Variants in ITFG1 observed in about 807,000 individuals in gnomAD.
ITFG1 encodes integrin alpha FG-GAP repeat containing 1.
In ITFG1, 34 loss-of-function variants were observed where a neutral mutation model predicts 81.8. The observed-to-expected ratio is 0.42, with a 90% CI of 0.32 to 0.55. ITFG1 has a LOEUF of 0.55. Ranked by LOEUF, ITFG1 falls within the 20% of genes least tolerant of loss-of-function variation. The pLI is 0.17. For missense variants in ITFG1, 672 were observed against 755.4 expected (o/e 0.89, Z 1.29); for synonymous variants, 285 against 270.6 (o/e 1.05, Z -0.52).
intron 14 of ITFG1, among the ~76,000 whole-genome samples, chr16:47,182,958 A>C (rs1965150340): frequency 6.6e-6 from 1 of 152,176 alleles, no homozygotes; most frequent in Admixed American, 6.5e-5. Context: ...CTCACTCGGG[A>C]AGCGCAAGGG....
At chr16:47,399,405 C>T (rs542299769) in intron 6 of ITFG1, among the ~76,000 whole-genome samples, 1 of 152,118 alleles carries the variant, frequency 6.6e-6, no homozygotes, top group Non-Finnish European at 1.5e-5. Flanking sequence ...AACCCCATCT[C>T]TACTAAAAAT....
At chr16:47,344,261 G>GTA (rs1967822105) in intron 8 of ITFG1, among the ~76,000 whole-genome samples, 1 of 152,100 alleles carries the variant, frequency 6.6e-6, no homozygotes, top group Non-Finnish European at 1.5e-5. Flanking sequence ...GGTTAAAATG[G>GTA]CAAATTTTAT....
chr16:47,385,554 C>T (rs958651239), intron 6 of ITFG1, among the ~76,000 whole-genome samples: 1 of 152,200 alleles, frequency 6.6e-6, no homozygotes, highest in Non-Finnish European at 1.5e-5. Context: ...AATATTAAGG[C>T]TTCCTTTCAA....
At chr16:47,401,333 G>A (rs1277923707) in intron 6 of ITFG1, among the ~76,000 whole-genome samples, 1 of 152,164 alleles carries the variant, frequency 6.6e-6, no homozygotes, top group Non-Finnish European at 1.5e-5. Flanking sequence ...ATCCGTGAGA[G>A]GTCTAGAATA....
At chr16:47,265,262 T>C (rs968690356) in intron 10 of ITFG1, among the ~76,000 whole-genome samples, 2 of 152,004 alleles carry the variant, frequency 1.3e-5, no homozygotes, top group Admixed American at 1.3e-4. Context: ...TATATTTTTC[T>C]TTATAGCAGT....
intron 2 of ITFG1, among the ~76,000 whole-genome samples, chr16:47,456,969 G>A (rs969609867): frequency 1.3e-5 from 2 of 152,116 alleles, no homozygotes; most frequent in East Asian, 1.9e-4. Context: ...GAAATTAAGG[G>A]TATGTACATA....
intron 14 of ITFG1, among the ~76,000 whole-genome samples, chr16:47,180,285 T>C (rs1237330359): frequency 3.4e-5 from 5 of 148,026 alleles, no homozygotes; most frequent in African/African-American, 1.3e-4. Flanking sequence ...CAACATGATA[T>C]CAGCTTACCT....
At chr16:47,407,148 C>T (rs1046640880) in intron 6 of ITFG1, among the ~76,000 whole-genome samples, 9 of 152,118 alleles carry the variant, frequency 5.9e-5, no homozygotes, top group East Asian at 1.9e-4. Context: ...ACATTTATAA[C>T]GGATAATGGG....
At chr16:47,224,140 C>A (rs1965730386) in intron 13 of ITFG1, among the ~76,000 whole-genome samples, 3 of 151,870 alleles carry the variant, frequency 2.0e-5, no homozygotes, top group Admixed American at 2.0e-4. Flanking sequence ...GTGCAGCACA[C>A]CAGCATGGCA....
intron 14 of ITFG1, among the ~76,000 whole-genome samples, chr16:47,193,914 C>A (rs1445462077): frequency 6.6e-6 from 1 of 152,058 alleles, no homozygotes; most frequent in Non-Finnish European, 1.5e-5. Flanking sequence ...TCTAGAGCAA[C>A]TAAGTGAAAC....
chr16:47,196,932 AAAAAC>A (rs1026138820), intron 14 of ITFG1, among the ~76,000 whole-genome samples: 2 of 152,204 alleles, frequency 1.3e-5, no homozygotes, highest in African/African-American at 2.4e-5. Context: ...CCTGTCTCAA[AAAAAC>A]AAAACAAAAC....
rs1172864820 is a variant in ITFG1, at chr16:47,244,643, G to C, written c.1331-6635C>G. ...TGTGTGTGTGTGTGTGTGTGTGTGT[G>C]TGTGTGTATTTACCCCTCTGTATGT... On this transcript the variant is annotated intron_variant, in intron 12 of 17. Transcript: ENST00000320640. 1.7e-4 allele frequency among the ~76,000 whole-genome samples: 12 copies of C among 68,894 alleles called. 1 individual carries two copies. The highest frequency in any genetic ancestry group is 9.4e-5 in the Non-Finnish European group (3 of 31,848). The allele number at this position is 68,894 out of a possible 152,430, so 45.2% of individuals were successfully genotyped here. A position where few individuals can be genotyped will look rare whatever the true frequency, so the allele number is the denominator to read the frequency against.
chr16:47,439,203 G>T (rs951647195), intron 5 of ITFG1, among the ~76,000 whole-genome samples: 1 of 152,142 alleles, frequency 6.6e-6, no homozygotes, highest in Non-Finnish European at 1.5e-5. Context: ...TCAAATCTAC[G>T]TCTAACTGGT....
intron 6 of ITFG1, chr16:47,426,132 A>C (rs1007457841): frequency 1.3e-5 from 2 of 152,078 alleles, no homozygotes; most frequent in African/African-American, 4.8e-5. Context: ...GGACTCGCTT[A>C]AGAATTTCAT....
Position 47,311,220 on chromosome 16 carries a change from A to G in ITFG1, c.1070+20T>C. 6.4e-7 allele frequency: 1 copy of G among 1,567,756 alleles called. No homozygotes were observed. The highest frequency in any genetic ancestry group is 8.7e-7 in the Non-Finnish European group (1 of 1,150,570). On this transcript the variant is annotated intron_variant, in intron 10 of 17. Transcript: ENST00000320640. ...CTCACATAGTTTACAAATATTTCTCACTTGATTTAATTTCCTTACCTTCCA... is the reference window on the plus strand; with the variant it reads ...CTCACATAGTTTACAAATATTTCTCGCTTGATTTAATTTCCTTACCTTCCA...
At chr16:47,381,020 C>A (rs566892261) in intron 6 of ITFG1, among the ~76,000 whole-genome samples, 2 of 152,278 alleles carry the variant, frequency 1.3e-5, no homozygotes, top group South Asian at 4.1e-4. Context: ...TGTACAAAAA[C>A]ATTAAATGGT....
intron 3 of ITFG1, among the ~76,000 whole-genome samples, chr16:47,453,335 G>C (rs1448866675): frequency 2.0e-5 from 3 of 152,180 alleles, no homozygotes; most frequent in African/African-American, 4.8e-5. Flanking sequence ...TTCAGATAAG[G>C]CTTGATGATT....
chr16:47,396,077 A>G (rs976455002), intron 6 of ITFG1: 10 of 676,240 alleles, frequency 1.5e-5, no homozygotes, highest in East Asian at 2.7e-4. Flanking sequence ...ACTTTAGTCT[A>G]CGTGATAGTA....
intron 13 of ITFG1, among the ~76,000 whole-genome samples, chr16:47,234,311 G>A (rs1371872974): frequency 6.6e-6 from 1 of 152,050 alleles, no homozygotes; most frequent in Non-Finnish European, 1.5e-5. Flanking sequence ...TAGAAACTAA[G>A]AATCAAAACG....
Sources: gnomAD v4.1 joint callset for allele counts (sites outside exome capture counted in the v4.1 genomes callset) on GRCh38, gnomAD v4.1.1 for gene constraint, MANE v1.5 for transcripts, NCBI Gene and HGNC (gene_info 2026-07-23, HGNC 2026-07-21) for gene names.